Variants in TMEM131 observed in about 807,000 individuals in gnomAD.
TMEM131 encodes 2610524E03Rik.
A neutral mutation model predicts 211.6 loss-of-function variants in TMEM131; 66 were observed. The ratio of observed to expected loss-of-function variants is 0.31; its 90% CI spans 0.26 to 0.38. TMEM131 has a LOEUF of 0.38. Among genes scored for constraint, TMEM131 ranks in the 10% least tolerant of loss-of-function variants. The pLI, the probability that TMEM131 is intolerant of heterozygous loss-of-function variation, is 1.00. For missense variants in TMEM131, 2,036 were observed against 2,299.3 expected (o/e 0.89, Z 2.34); for synonymous variants, 844 against 841.3 (o/e 1.00, Z -0.06).
intron 1 of TMEM131, among the ~76,000 whole-genome samples, chr2:97,960,659 T>C (rs1248318170): frequency 1.3e-5 from 2 of 152,122 alleles, no homozygotes; most frequent in Admixed American, 6.5e-5. Flanking sequence ...TTCAACATTG[T>C]AAGAAAAATC....
Position 97,757,108 on chromosome 2 carries a change from G to A in TMEM131, c.5643C>T (p.His1881=), listed in dbSNP as rs371602198. ...TTGTTTTTTGCTTAATTTAATTCTCGTGAGGAAAGTGCGAATTAGACCAAG... is the reference window on the plus strand; with the variant it reads ...TTGTTTTTTGCTTAATTTAATTCTCATGAGGAAAGTGCGAATTAGACCAAG... ...SDPWSNSHFP[H]EN is the part of the protein sequence containing the mutation. The change falls in exon 41 of 41, where the codon CAC becomes CAT. Residue 1881 remains histidine (H), a synonymous_variant. Coordinates refer to ENST00000186436, the MANE Select transcript of TMEM131 (RefSeq NM_015348.2). 1.4e-5 allele frequency: 22 copies of A among 1,592,406 alleles called. No individual in the cohort carries two copies. In the African/African-American group the frequency reaches 2.4e-4, roughly 18 times the overall value.
At position 97,775,976 on chromosome 2, in the gene TMEM131, T is replaced by C. The variant is rs753542201; in HGVS notation, c.4187A>G (p.Lys1396Arg). Residue 1396 changes from lysine to arginine, a missense_variant, in exon 32 of 41, where the codon AAG (lysine) becomes AGG (arginine). Around this residue, in one of 3 missense-constraint regions of TMEM131, gnomAD observed 1,623 missense variants for 1,805.9 expected, o/e 0.90. Coordinates refer to ENST00000186436, the MANE Select transcript of TMEM131 (RefSeq NM_015348.2). ...TCCCTTCTTCTCCTTTTCCTCTTGC[T>C]TCTTAGGTGGTTTCACCTTGCGCTG... ...PLQRKVKPPK[K>R]QEEKEKKGKG... The C allele has an allele frequency of 1.1e-5, 17 of 1,613,924 alleles. No individual in the cohort carries two copies. The Admixed American group carries it at 2.7e-4, about 25-fold the overall frequency.
At chr2:97,761,236 G>C in intron 36 of TMEM131, 1 of 219,556 alleles carries the variant, frequency 4.6e-6, no homozygotes, top group Non-Finnish European at 9.1e-6. Context: ...GAAATGCAGA[G>C]GGCAGCCACC....
chr2:97,807,865 T>TGACA (rs200165775), intron 19 of TMEM131, among the ~76,000 whole-genome samples: 17 of 152,326 alleles, frequency 1.1e-4, no homozygotes, highest in African/African-American at 3.8e-4. Flanking sequence ...CAAAGTGGAA[T>TGACA]GACAGGAAGA....
intron 1 of TMEM131, among the ~76,000 whole-genome samples, chr2:97,937,053 C>T (rs1677478309): frequency 6.6e-6 from 1 of 152,040 alleles, no homozygotes; most frequent in Admixed American, 6.6e-5. Flanking sequence ...GAAAGTATGG[C>T]TCATACATAG....
intron 1 of TMEM131, among the ~76,000 whole-genome samples, chr2:97,943,824 C>T (rs1452688946): frequency 1.3e-5 from 2 of 152,176 alleles, no homozygotes; most frequent in Non-Finnish European, 2.9e-5. Context: ...TGGCTCACGT[C>T]TGTAATTCCA....
At chr2:97,892,565 G>C (rs1445111974) in intron 3 of TMEM131, among the ~76,000 whole-genome samples, 1 of 152,112 alleles carries the variant, frequency 6.6e-6, no homozygotes, top group Non-Finnish European at 1.5e-5. Context: ...GTGTCACTAT[G>C]TTCCCCAGGC....
At chr2:97,835,410 T>C (rs1054519300) in intron 8 of TMEM131, among the ~76,000 whole-genome samples, 1 of 152,198 alleles carries the variant, frequency 6.6e-6, no homozygotes, top group Non-Finnish European at 1.5e-5. Context: ...AACTTAACAA[T>C]GCAAAGCTTC....
In TMEM131 at chr2:97,935,629, T is replaced by C. The variant is rs74352915; in HGVS notation, c.188-8142A>G. On this transcript the variant is annotated intron_variant, in intron 1 of 40. Coordinates refer to ENST00000186436, the MANE Select transcript of TMEM131 (RefSeq NM_015348.2). ...TGGTTTTGACAGCAAAAGTTGAGAATAGTTTGAAGAAACAAAATAGCACAG... is the reference window on the plus strand; with the variant it reads ...TGGTTTTGACAGCAAAAGTTGAGAACAGTTTGAAGAAACAAAATAGCACAG... 3.5e-3 allele frequency among the ~76,000 whole-genome samples: 534 copies of C among 152,240 alleles called. 2 individuals carry two copies. Among genetic ancestry groups the C allele is most frequent in the African/African-American group, 0.012 (501 of 41,548 alleles).
chr2:97,979,967 T>C (rs1482241776), intron 1 of TMEM131, among the ~76,000 whole-genome samples: 1 of 152,198 alleles, frequency 6.6e-6, no homozygotes, highest in East Asian at 1.9e-4. Context: ...AACACTTAGA[T>C]GCTATTTAGT....
At chr2:97,987,554 G>T (rs17025319) in intron 1 of TMEM131, among the ~76,000 whole-genome samples, 1 of 152,042 alleles carries the variant, frequency 6.6e-6, no homozygotes, top group Non-Finnish European at 1.5e-5. Context: ...TAGAACTAAC[G>T]AGGGCTTAAA....
chr2:97,962,334 T>A (rs1477784835), intron 1 of TMEM131, among the ~76,000 whole-genome samples: 2 of 152,092 alleles, frequency 1.3e-5, no homozygotes, highest in African/African-American at 4.8e-5. Flanking sequence ...AAACTCCATC[T>A]CTACTAAAAA....
At position 97,979,211 on chromosome 2, in the gene TMEM131, G is replaced by A. The variant is rs1185756773; in HGVS notation, c.187+16265C>T. ...TTTCTTGTTCCAGTTATAAAGCACA[G>A]GCAGAGTAGATTTAGCATAATTCTT... On this transcript the variant is annotated intron_variant, in intron 1 of 40. Coordinates refer to ENST00000186436, the MANE Select transcript of TMEM131 (RefSeq NM_015348.2). Among the ~76,000 whole-genome samples the A allele has an allele frequency of 2.0e-5, 3 of 152,210 alleles. No homozygotes were observed. In the East Asian group the frequency reaches 5.8e-4, roughly 29 times the overall value.
intron 1 of TMEM131, among the ~76,000 whole-genome samples, chr2:97,968,348 A>G (rs1679147330): frequency 6.6e-6 from 1 of 152,066 alleles, no homozygotes; most frequent in South Asian, 2.1e-4. Flanking sequence ...TGGTGTTTTA[A>G]TATTTTAAGT....
Position 97,908,685 on chromosome 2 carries a change from A to G in TMEM131, c.263T>C (p.Leu88Pro), listed in dbSNP as rs535701294. Residue 88 changes from leucine to proline, a missense_variant, in exon 3 of 41, where the codon CTT becomes CCT. Transcript: ENST00000186436. ...DGGLLQTETT[L>P]GLSSYQQKSI... ...TTTCTGCTGATATGAACTGAGTCCA[A>G]GTGTTGTCTCGGTCTGTAAAAGGAA... 8.8e-5 allele frequency: 141 copies of G among 1,606,292 alleles called. No homozygotes were observed. The East Asian group carries it at 2.8e-3, about 32-fold the overall frequency.
intron 2 of TMEM131, among the ~76,000 whole-genome samples, chr2:97,914,940 T>C (rs1303537198): frequency 6.6e-6 from 1 of 152,258 alleles, no homozygotes; most frequent in East Asian, 1.9e-4. Context: ...TTTAGATTTA[T>C]ACGAAACTGC....
At chr2:97,879,040 T>C (rs1230531457) in intron 4 of TMEM131, among the ~76,000 whole-genome samples, 16 of 152,094 alleles carry the variant, frequency 1.1e-4, no homozygotes. Flanking sequence ...CTGAACCAAA[T>C]TTTGGGTGGG....
chr2:97,839,757 A>C (rs567567909), intron 7 of TMEM131, among the ~76,000 whole-genome samples: 2 of 152,358 alleles, frequency 1.3e-5, no homozygotes, highest in East Asian at 3.9e-4. Context: ...CATTTAAATT[A>C]GTTGAAATAA....
At chr2:97,830,143 A>AAAAAC (rs1559386457) in intron 11 of TMEM131, among the ~76,000 whole-genome samples, 2 of 150,170 alleles carry the variant, frequency 1.3e-5, no homozygotes, top group Non-Finnish European at 3.0e-5. Context: ...AAAAAAAAAA[A>AAAAAC]AAAAAAAAAA....
Sources: allele counts gnomAD v4.1 joint callset (sites outside exome capture counted in the v4.1 genomes callset), GRCh38; gene constraint gnomAD v4.1.1; regional missense constraint gnomAD v4.1.1; transcripts MANE v1.5; gene names NCBI Gene and HGNC (gene_info 2026-07-23, HGNC 2026-07-21).